The following GOLGA3 variants were observed in gnomAD, a reference collection of about 807,000 sequenced individuals.
The protein encoded by GOLGA3 is golgin subfamily A member 3.
A neutral mutation model predicts 169.4 loss-of-function variants in GOLGA3; 75 were observed. The observed-to-expected ratio is 0.44, with a 90% CI of 0.37 to 0.54. The LOEUF (loss-of-function observed/expected upper bound fraction) is 0.54, where lower values mean the gene tolerates loss of function less well. Among genes scored for constraint, GOLGA3 ranks in the 20% least tolerant of loss-of-function variants. GOLGA3 has a pLI of 0.00. For synonymous variants in GOLGA3, 824 were observed against 822.4 expected, an observed-to-expected ratio of 1.00 and a Z score of -0.03; for missense variants, 1,899 against 1,930.0, an observed-to-expected ratio of 0.98 and a Z score of 0.30.
intron 11 of GOLGA3, among the ~76,000 whole-genome samples, chr12:132,795,452 C>A (rs1948784837): frequency 6.6e-6 from 1 of 152,044 alleles, no homozygotes; most frequent in Admixed American, 6.6e-5. Flanking sequence ...CATGGCAAAA[C>A]CCCATCTCTA....
chr12:132,782,937 G>A (rs1451920048), intron 16 of GOLGA3, among the ~76,000 whole-genome samples: 1 of 151,460 alleles, frequency 6.6e-6, no homozygotes, highest in African/African-American at 2.4e-5. Context: ...ACACAGCAAT[G>A]GGCTGGACGC....
chr12:132,774,925 T>G, intron 22 of GOLGA3: 1 of 569,794 alleles, frequency 1.8e-6, no homozygotes, highest in Non-Finnish European at 3.1e-6. Context: ...AAAGTGGTAT[T>G]TGAATTCACA....
chr12:132,780,231 GCACA>G (rs748422072), intron 18 of GOLGA3, among the ~76,000 whole-genome samples: 30 of 152,180 alleles, frequency 2.0e-4, no homozygotes, highest in Non-Finnish European at 3.7e-4. Context: ...CCCCCCATGT[GCACA>G]CACACGGCAA....
intron 15 of GOLGA3, among the ~76,000 whole-genome samples, chr12:132,785,126 G>A (rs1049809925): frequency 3.9e-5 from 6 of 152,220 alleles, no homozygotes; most frequent in Non-Finnish European, 7.3e-5. Context: ...GGTGAAGCCC[G>A]GACGGACACA....
chr12:132,800,713 C>T lies in GOLGA3; in HGVS notation c.1800+1054G>A, dbSNP rs751348840. 5.6e-4 allele frequency among the ~76,000 whole-genome samples: 85 copies of T among 152,144 alleles called. 1 individual carries two copies. The highest frequency in any genetic ancestry group is 2.1e-4 in the South Asian group (1 of 4,832). ...CGGTGGCTCACGCCTGTAATCCCAA[C>T]ACTTTGGGAGGCTGAGGCAGGCATC... is the stretch of plus-strand genomic sequence containing the variant. On this transcript the variant is annotated intron_variant, in intron 8 of 23. Coordinates refer to ENST00000450791, the MANE Select transcript of GOLGA3 (RefSeq NM_001389683.1).
chr12:132,783,785 C>A, intron 16 of GOLGA3: 1 of 610,510 alleles, frequency 1.6e-6, no homozygotes. Flanking sequence ...ACCATGTCGG[C>A]CAGGCTGGTC....
At chr12:132,813,628 G>A (rs1280482097) in intron 3 of GOLGA3, among the ~76,000 whole-genome samples, 1 of 152,026 alleles carries the variant, frequency 6.6e-6, no homozygotes, top group Non-Finnish European at 1.5e-5. Context: ...CCTCACAGGA[G>A]ACACAGTGGC....
chr12:132,803,240 G>C (rs1278030180), intron 7 of GOLGA3, among the ~76,000 whole-genome samples: 2 of 152,156 alleles, frequency 1.3e-5, no homozygotes, highest in African/African-American at 2.4e-5. Context: ...CCTCCTCAGC[G>C]GGCGCCTAGG....
At chr12:132,799,677 T>C (rs1332320738) in intron 8 of GOLGA3, among the ~76,000 whole-genome samples, 2 of 151,846 alleles carry the variant, frequency 1.3e-5, no homozygotes, top group Admixed American at 1.3e-4. Context: ...GGAGCCACCA[T>C]TGCTTTAAAG....
At chr12:132,814,375 C>T (rs1219693176) in intron 3 of GOLGA3, among the ~76,000 whole-genome samples, 2 of 152,178 alleles carry the variant, frequency 1.3e-5, no homozygotes, top group African/African-American at 2.4e-5. Context: ...GGAGCCGTGC[C>T]GAGCACTCTG....
Position 132,807,872 on chromosome 12 carries a change from C to T in GOLGA3, c.1178+19G>A. The T allele has an allele frequency of 6.7e-7, 1 of 1,485,682 alleles. No individual in the cohort carries two copies. The highest frequency in any genetic ancestry group is 9.1e-7 in the Non-Finnish European group (1 of 1,095,354). The allele number at this position is 1,485,682 out of a possible 1,614,324, so 92.0% of individuals were successfully genotyped here. On this transcript the variant is annotated intron_variant, in intron 5 of 23. Coordinates refer to ENST00000450791, the MANE Select transcript of GOLGA3 (RefSeq NM_001389683.1). ...CACCCACCTCCACCCACCCCGCCCA[C>T]CTCTGCTGTCCCCACCACCTGCTGC...
At chr12:132,802,327 C>A (rs1388528692) in intron 7 of GOLGA3, among the ~76,000 whole-genome samples, 2 of 151,540 alleles carry the variant, frequency 1.3e-5, no homozygotes, top group Non-Finnish European at 2.9e-5. Flanking sequence ...GACCAACAAG[C>A]CTGAGCAAAG....
intron 2 of GOLGA3, among the ~76,000 whole-genome samples, chr12:132,817,156 A>T (rs1458109531): frequency 1.5e-5 from 2 of 134,314 alleles, no homozygotes; most frequent in Non-Finnish European, 3.1e-5. Flanking sequence ...CCCGCCCTCC[A>T]CTCCTCCACG....
At chr12:132,801,475 G>A (rs534130329) in intron 8 of GOLGA3, among the ~76,000 whole-genome samples, 99 of 152,268 alleles carry the variant, frequency 6.5e-4, no homozygotes, top group African/African-American at 2.2e-3. Context: ...CCGAGACCCA[G>A]GCAAATGAGG....
intron 22 of GOLGA3, chr12:132,774,804 A>T: frequency 2.1e-6 from 1 of 470,666 alleles, no homozygotes; most frequent in Non-Finnish European, 3.7e-6. Context: ...GACCGAGCAC[A>T]GAAAACCGCC....
At position 132,784,280 on chromosome 12, in the gene GOLGA3, G is replaced by A. The variant is rs1322987764; in HGVS notation, c.3151C>T (p.Leu1051=). The change falls in exon 16 of 24, where the codon CTG becomes TTG. Residue 1051 remains leucine, a synonymous_variant. Transcript: ENST00000450791. ...GTCTTGCTATGACTGACAGCCTGCA[G>A]CTCCGCCTCCAGGGCCTGGATCCTT... ...HERIQALEAE[L]QAVSHSKTLL... The A allele has an allele frequency of 6.2e-7, 1 of 1,609,724 alleles. No individual in the cohort carries two copies. Among genetic ancestry groups the A allele is most frequent in the African/African-American group, 1.3e-5 (1 of 74,928 alleles).
chr12:132,826,304 C>A, intron 1 of GOLGA3: 1 of 757,378 alleles, frequency 1.3e-6, no homozygotes, highest in Admixed American at 2.9e-5. Context: ...ACAGGCACCA[C>A]CACCTGAACA....
At chr12:132,780,123 A>ACAC (rs34708200) in intron 18 of GOLGA3, among the ~76,000 whole-genome samples, 108,657 of 135,702 alleles carry the variant, frequency 0.8, 43,335 homozygotes, top group South Asian at 0.88. Context: ...CCCCGCGTGC[A>ACAC]CACACCCCAG....
intron 4 of GOLGA3, 150 bp downstream of exon 4, chr12:132,813,157 T>C (rs565567710): frequency 1.6e-4 from 102 of 619,592 alleles, no homozygotes; most frequent in African/African-American, 1.5e-3. Context: ...TGCTTTTCAA[T>C]TGGCAGATTT....
Sources: allele counts gnomAD v4.1 joint callset (sites outside exome capture counted in the v4.1 genomes callset), GRCh38; gene constraint gnomAD v4.1.1; transcripts MANE v1.5; gene names NCBI Gene and HGNC (gene_info 2026-07-23, HGNC 2026-07-21).